TAF11L12: variants seen among roughly 807,000 people sequenced by gnomAD.
TAF11L12 encodes TATA-box-binding protein-associated factor 11-like protein 12.
downstream of TAF11L12, chr5:17,611,726 T>C (rs1295908349): frequency 7.6e-6 from 3 of 394,458 alleles, 1 homozygote; most frequent in African/African-American, 6.2e-5. Flanking sequence ...AACTGTGAAG[T>C]TGACCTTACC....
chr5:17,611,065 G>A (rs1331510137), exon 1 of TAF11L12: 3 of 397,886 alleles, frequency 7.5e-6, no homozygotes, highest in Non-Finnish European at 8.9e-6. Context: ...CAGCAACAAG[G>A]ATGGAATCCC....
At chr5:17,611,306 C>A (rs1284313610) in exon 1 of TAF11L12, 1 of 397,988 alleles carries the variant, frequency 2.5e-6, no homozygotes, top group Non-Finnish European at 4.4e-6. Context: ...GAGCAGCTAT[C>A]CCGCTACGAA....
exon 1 of TAF11L12, chr5:17,611,381 G>A (rs1400291340): frequency 2.5e-6 from 1 of 397,912 alleles, no homozygotes; most frequent in Non-Finnish European, 4.4e-6. Context: ...ATCACTGGCA[G>A]ATCGGTGTCT....
chr5:17,611,140 G>T (rs368609829), exon 1 of TAF11L12: 21 of 398,000 alleles, frequency 5.3e-5, no homozygotes, highest in African/African-American at 3.7e-4. Flanking sequence ...AAGTCAGGAT[G>T]TCATGGACCT....
rs1392062876 is a variant in TAF11L12, at chr5:17,610,914, G to T, written c.-76G>T. Reference sequence around the variant, plus strand: ...AACTCTTTGAAAGGTTCTCATTGCAGATCCATAATCGAACCACCCCAGCCA... The same window carrying T: ...AACTCTTTGAAAGGTTCTCATTGCATATCCATAATCGAACCACCCCAGCCA... On this transcript the variant is annotated 5_prime_UTR_variant, in exon 1 of 1. Transcript: ENST00000503184. 2.3e-5 allele frequency: 9 copies of T among 396,974 alleles called. No homozygotes were observed. The highest frequency in any genetic ancestry group is 4.0e-5 in the Non-Finnish European group (9 of 225,240). The allele number at this position is 396,974 out of a possible 1,614,324, so 24.6% of individuals were successfully genotyped here.
rs779247750 is a variant in TAF11L12 at position 17,611,011 on chromosome 5, G to A, written c.22G>A (p.Gly8Ser). 6.8e-5 allele frequency: 27 copies of A among 397,742 alleles called. 1 individual carries two copies. Among genetic ancestry groups the A allele is most frequent in the Non-Finnish European group, 1.1e-4 (24 of 225,720 alleles). The allele number at this position is 397,742 out of a possible 1,614,324, so 24.6% of individuals were successfully genotyped here. Reference sequence around the variant, plus strand: ...ACCCATGGAGACAGGCAGGCAAAGAGGTGCGTCTGCTGAGATGTTCGCCAT... The same window carrying A: ...ACCCATGGAGACAGGCAGGCAAAGAAGTGCGTCTGCTGAGATGTTCGCCAT... Residue 8 changes from glycine to serine, a missense_variant, in exon 1 of 1, where the codon GGT becomes AGT. Coordinates refer to ENST00000503184, the Ensembl canonical transcript of TAF11L12.
chr5:17,611,645 G>A (rs1317829186), downstream of TAF11L12: 1 of 397,398 alleles, frequency 2.5e-6, no homozygotes, highest in Non-Finnish European at 4.4e-6. Context: ...ATCTTCCAAT[G>A]ACAGGACTGC....
downstream of TAF11L12, chr5:17,611,685 C>G (rs1164195825): frequency 1.3e-5 from 5 of 395,880 alleles, 1 homozygote; most frequent in Non-Finnish European, 2.2e-5. Context: ...TCTCAGTCCA[C>G]CCTGGATTCA....
chr5:17,612,072 A>G (rs1426821153), downstream of TAF11L12, among the ~76,000 whole-genome samples: 1 of 151,500 alleles, frequency 6.6e-6, no homozygotes, highest in East Asian at 1.9e-4. Flanking sequence ...AAGCAGTTAA[A>G]CTGTTTTCCA....
At chr5:17,610,468 T>C (rs1459258714), upstream of TAF11L12, 1 of 152,096 alleles carries the variant, frequency 6.6e-6, no homozygotes, top group African/African-American at 2.4e-5. Flanking sequence ...TGGGCAACAC[T>C]TGTAGGAGCT....
rs1411423888 is a variant in TAF11L12, at chr5:17,610,578, C to G, written c.-412C>G. 2 of 168,480 alleles carry G rather than the reference C, an allele frequency of 1.2e-5. 1 individual carries two copies. The highest frequency in any genetic ancestry group is 4.8e-5 in the African/African-American group (2 of 41,856). The allele number at this position is 168,480 out of a possible 1,614,324, so 10.4% of individuals were successfully genotyped here. ...CCACCAACACGAATGAGATTGAAGACAGACCCTTCTCACGTGAAGGTAATG... is the reference window on the plus strand; with the variant it reads ...CCACCAACACGAATGAGATTGAAGAGAGACCCTTCTCACGTGAAGGTAATG... On this transcript the variant is annotated 5_prime_UTR_variant, in exon 1 of 1. Transcript: ENST00000503184.
At chr5:17,611,374 A>G in exon 1 of TAF11L12, 1 of 397,912 alleles carries the variant, frequency 2.5e-6, no homozygotes. Context: ...GCAGTCTATC[A>G]CTGGCAGATC....
At chr5:17,611,487 G>A (rs1739275500) in exon 1 of TAF11L12, 2 of 397,694 alleles carry the variant, frequency 5.0e-6, no homozygotes, top group Non-Finnish European at 4.4e-6. Context: ...GGGGAGAAAC[G>A]CCCCCGCTGC....
At chr5:17,611,464 G>A (rs373554122) in exon 1 of TAF11L12, 12 of 397,936 alleles carry the variant, frequency 3.0e-5, no homozygotes, top group Middle Eastern at 6.2e-4. Context: ...GGCCCTGGAC[G>A]TGTGCGAGAT....
exon 1 of TAF11L12, chr5:17,610,997 C>G (rs1376386750): frequency 2.5e-6 from 1 of 397,948 alleles, no homozygotes; most frequent in Non-Finnish European, 4.4e-6. Context: ...CCCATGGAGA[C>G]AGGCAGGCAA....
Position 17,610,977 on chromosome 5 carries a change from T to A in TAF11L12, c.-13T>A. 2.5e-6 allele frequency: 1 copy of A among 397,828 alleles called. No individual in the cohort carries two copies. Among genetic ancestry groups the A allele is most frequent in the Non-Finnish European group, 4.4e-6 (1 of 225,694 alleles). 24.6% of individuals were successfully genotyped at this position (397,828 alleles called of 1,614,324 possible). A position where few individuals can be genotyped will look rare whatever the true frequency, so the allele number is the denominator to read the frequency against. ...GTACAGCTGCTGTCACGGAGCAGAC[T>A]TGAATCTCACCCATGGAGACAGGCA... On this transcript the variant is annotated 5_prime_UTR_variant, in exon 1 of 1. In the 5' UTR this introduces an upstream ATG that the reference lacks. Coordinates refer to ENST00000503184, the Ensembl canonical transcript of TAF11L12.
At chr5:17,610,858 T>C (rs2126391228) in exon 1 of TAF11L12, 1 of 394,646 alleles carries the variant, frequency 2.5e-6, no homozygotes, top group East Asian at 3.6e-5. Context: ...CCAGTTATGG[T>C]TAAACTGGCA....
chr5:17,612,017 C>T (rs1023484762), downstream of TAF11L12, among the ~76,000 whole-genome samples: 15 of 151,438 alleles, frequency 9.9e-5, no homozygotes, highest in Admixed American at 7.9e-4. Context: ...TTGTTGTCCT[C>T]CTCTGATTTT....
chr5:17,610,646 T>C lies in TAF11L12; in HGVS notation c.-344T>C, dbSNP rs146389209. ...ATCCTGGAGGTCCGTCATGTGACTC[T>C]GAGCAGGAGGCAGTCACTTGGCCTA... is the stretch of plus-strand genomic sequence containing the variant. On this transcript the variant is annotated 5_prime_UTR_variant, in exon 1 of 1. Coordinates refer to ENST00000503184, the Ensembl canonical transcript of TAF11L12. 173 of 220,320 alleles carry C rather than the reference T, an allele frequency of 7.9e-4. 6 individuals carry two copies. The highest frequency in any genetic ancestry group is 1.9e-4 in the Non-Finnish European group (22 of 113,430). 13.6% of individuals were successfully genotyped at this position (220,320 alleles called of 1,614,324 possible).
Sources: gnomAD v4.1 joint callset for allele counts (sites outside exome capture counted in the v4.1 genomes callset) on GRCh38, gnomAD v4.1.1 for gene constraint, MANE v1.5 for transcripts, NCBI Gene and HGNC (gene_info 2026-07-23, HGNC 2026-07-21) for gene names.